INF2: variants seen among roughly 807,000 people sequenced by gnomAD.
The protein encoded by INF2 is inverted formin 2, also known as inverted formin-2.
In INF2, 43 loss-of-function variants were observed where a neutral mutation model predicts 123.5. The observed-to-expected ratio is 0.35, with a 90% CI of 0.27 to 0.45. INF2 has a LOEUF of 0.45. Among genes scored for constraint, INF2 ranks in the 20% least tolerant of loss-of-function variants. INF2 has a pLI of 1.00. For missense variants in INF2, 1,453 were observed against 1,682.7 expected (o/e 0.86, Z 2.39); for synonymous variants, 851 against 745.0 (o/e 1.14, Z -2.32).
At chr14:104,685,888 TG>T (rs982401237), upstream of INF2, among the ~76,000 whole-genome samples, 2 of 106,328 alleles carry the variant, frequency 1.9e-5, no homozygotes, top group Non-Finnish European at 3.5e-5. Flanking sequence ...GATGGATGAA[TG>T]AATGGGCAGA....
chr14:104,707,480 A>G lies in INF2; in HGVS notation c.1213A>G (p.Ile405Val). ...CGTGGACCACGCCCAGAGTGAGAGCATCCTGAAAGTTTCGCAGCCCAGAGC... is the reference window on the plus strand; with the variant it reads ...CGTGGACCACGCCCAGAGTGAGAGCGTCCTGAAAGTTTCGCAGCCCAGAGC... ...EPVDHAQSESILKVSQPRALE... is the reference protein window; with the variant it reads ...EPVDHAQSESVLKVSQPRALE... The change falls in exon 8 of 23, where the codon ATC (isoleucine) becomes GTC (valine). Residue 405 changes from isoleucine to valine, a missense_variant. By Grantham distance (29) the Ile-to-Val change is conservative. This residue lies in a region of INF2 where 374 missense variants were observed against 303.7 expected (regional missense o/e 1.23). Coordinates refer to ENST00000392634, the MANE Select transcript of INF2 (RefSeq NM_022489.4). 2.6e-6 allele frequency: 4 copies of G among 1,550,946 alleles called. No homozygotes were observed. Among genetic ancestry groups the G allele is most frequent in the Non-Finnish European group, 3.5e-6 (4 of 1,147,794 alleles).
intron 21 of INF2, 126 bp from the exon 22 acceptor site, chr14:104,715,158 A>G (rs1474712787): frequency 1.1e-6 from 1 of 946,490 alleles, no homozygotes; most frequent in Non-Finnish European, 1.7e-6. Flanking sequence ...CTTAGTGGCC[A>G]GAGAACCGGG....
At position 104,703,934 on chromosome 14, in the gene INF2, T is replaced by C. The variant is rs1253950182; in HGVS notation, c.686T>C (p.Val229Ala). ...NEFIGLQLLD[V>A]LARLRDLEDA... The stretch of plus-strand genomic sequence containing the variant: ...TTCCCAGGGCTGCAGCTGCTGGACG[T>C]CCTGGCTCGCCTGCGGTGAGTCCCC... The change falls in exon 5 of 23, where the codon GTC becomes GCC. Residue 229 changes from valine to alanine, a missense_variant. This residue lies in a region of INF2 where 251 missense variants were observed against 349.4 expected (regional missense o/e 0.72). Coordinates refer to ENST00000392634, the MANE Select transcript of INF2 (RefSeq NM_022489.4). 6.2e-7 allele frequency: 1 copy of C among 1,610,918 alleles called. No homozygotes were observed. Among genetic ancestry groups the C allele is most frequent in the Non-Finnish European group, 8.5e-7 (1 of 1,179,972 alleles).
At position 104,701,485 on chromosome 14, in the gene INF2, G is replaced by A; in HGVS notation, c.120G>A (p.Arg40=). 1.9e-6 allele frequency: 3 copies of A among 1,603,182 alleles called. No individual in the cohort carries two copies. Among genetic ancestry groups the A allele is most frequent in the Non-Finnish European group, 2.6e-6 (3 of 1,175,356 alleles). ...LESADPELCI[R]LLQMPSVVNY... The stretch of plus-strand genomic sequence containing the variant: ...GCGCGGACCCCGAGCTGTGCATCCG[G>A]CTGCTCCAGATGCCCTCTGTGGTCA... Residue 40 remains arginine (R), a synonymous_variant, in exon 2 of 23, where the codon CGG becomes CGA. Coordinates refer to ENST00000392634, the MANE Select transcript of INF2 (RefSeq NM_022489.4).
chr14:104,714,398 A>C lies in INF2; in HGVS notation c.3236A>C (p.Tyr1079Ser). Residue 1079 changes from tyrosine to serine, a missense_variant, in exon 21 of 23, where the codon TAT becomes TCT. Physicochemically the swap from Tyr to Ser is moderately radical, Grantham distance 144. Transcript: ENST00000392634. ...PRPLERRSSW[Y>S]VDASDVLTTE... ...CCCCTGGAGAGGCGTTCTTCCTGGT[A>C]TGTGGATGCCAGCGATGTCCTAACC... is the stretch of plus-strand genomic sequence containing the variant. The C allele has an allele frequency of 1.2e-6, 2 of 1,604,282 alleles. No individual in the cohort carries two copies. The highest frequency in any genetic ancestry group is 1.7e-6 in the Non-Finnish European group (2 of 1,175,808).
rs540597611 is a variant in INF2, at chr14:104,709,448, G to A, written c.2052+65G>A. 248 of 1,385,086 alleles carry A rather than the reference G, an allele frequency of 1.8e-4. 1 individual carries two copies. The highest frequency in any genetic ancestry group is 1.6e-3 in the African/African-American group (114 of 70,414). 85.8% of individuals were successfully genotyped at this position (1,385,086 alleles called of 1,614,324 possible). A position where few individuals can be genotyped will look rare whatever the true frequency, so the allele number is the denominator to read the frequency against. On this transcript the variant is annotated intron_variant, in intron 11 of 22. Coordinates refer to ENST00000392634, the MANE Select transcript of INF2 (RefSeq NM_022489.4). ...CACCAACCAAGGGAGAGGCTGTCCC[G>A]GGGGCTCCCAGCAGGGAGACAGAGA...
At chr14:104,703,561 G>C in intron 4 of INF2, 107 bp downstream of exon 4, 1 of 1,448,316 alleles carries the variant, frequency 6.9e-7, no homozygotes, top group South Asian at 1.1e-5. Context: ...AGCTGCCCCC[G>C]ACCCAGGGCC....
chr14:104,700,869 G>A (rs1889446086), intron 1 of INF2: 1 of 985,324 alleles, frequency 1.0e-6, no homozygotes, highest in African/African-American at 1.7e-5. Flanking sequence ...CCTGAGGTTT[G>A]GAATCTCCCT....
In INF2 at chr14:104,701,488, G is replaced by A. The variant is rs1205681674; in HGVS notation, c.123G>A (p.Leu41=). 2 of 1,603,576 alleles carry A rather than the reference G, an allele frequency of 1.2e-6. No homozygotes were observed. The highest frequency in any genetic ancestry group is 1.7e-6 in the Non-Finnish European group (2 of 1,175,554). The change falls in exon 2 of 23, where the codon CTG becomes CTA. Residue 41 remains leucine, a synonymous_variant. Coordinates refer to ENST00000392634, the MANE Select transcript of INF2 (RefSeq NM_022489.4). The part of the protein sequence containing the change: ...ESADPELCIR[L]LQMPSVVNYS... ...CGGACCCCGAGCTGTGCATCCGGCT[G>A]CTCCAGATGCCCTCTGTGGTCAACT...
intron 1 of INF2, chr14:104,690,748 T>A (rs1888905364): frequency 6.6e-6 from 1 of 152,234 alleles, no homozygotes; most frequent in Admixed American, 6.5e-5. Flanking sequence ...CTCTGAAGGG[T>A]GGGACAGCAG....
chr14:104,714,186 T>C lies in INF2; in HGVS notation c.3041-17T>C. The C allele has an allele frequency of 6.7e-7, 1 of 1,491,660 alleles. No individual in the cohort carries two copies. The highest frequency in any genetic ancestry group is 1.4e-5 in the South Asian group (1 of 73,808). The allele number at this position is 1,491,660 out of a possible 1,614,324, so 92.4% of individuals were successfully genotyped here. On this transcript the variant is annotated splice_polypyrimidine_tract_variant and intron_variant, in intron 20 of 22. Transcript: ENST00000392634. ...GGGCAGGGTGCCTGCCCTTCACTGG[T>C]GTGTCCCTCCATCCAGTGGCCACCA...
At chr14:104,704,066 T>A in intron 5 of INF2, 117 bp downstream of exon 5, 1 of 1,558,550 alleles carries the variant, frequency 6.4e-7, no homozygotes, top group East Asian at 2.4e-5. Context: ...GGCAGGGAGG[T>A]GGCTCCCTCG....
rs536131059 is a variant in INF2, at chr14:104,695,717, TC to T, written c.-9-5636del. On this transcript the variant is annotated intron_variant, in intron 1 of 22. Transcript: ENST00000392634. Reference sequence around the variant, plus strand: ...GTTCCTAACCCAGGAAGATGTACCTTCCCCAGGCCCATTGTCTGCCCCAGAT... The same window carrying T: ...GTTCCTAACCCAGGAAGATGTACCTTCCCAGGCCCATTGTCTGCCCCAGAT... Among the ~76,000 whole-genome samples, 52 of 150,872 alleles carry T rather than the reference TC, an allele frequency of 3.4e-4. 1 individual carries two copies. The East Asian group carries it at 0.01, about 30-fold the overall frequency.
intron 21 of INF2, 57 bp downstream of exon 21, chr14:104,714,913 G>C (rs576830320): frequency 6.9e-7 from 1 of 1,454,178 alleles, no homozygotes; most frequent in African/African-American, 1.4e-5. Flanking sequence ...GCACCCAGCC[G>C]GTCCCTCCCC....
Position 104,718,988 on chromosome 14 carries a change from C to A in INF2, c.*195C>A. The A allele has an allele frequency of 9.0e-6, 12 of 1,328,360 alleles. No homozygotes were observed. Among genetic ancestry groups the A allele is most frequent in the Non-Finnish European group, 1.2e-5 (12 of 1,010,300 alleles). 82.3% of individuals were successfully genotyped at this position (1,328,360 alleles called of 1,614,324 possible). A position where few individuals can be genotyped will look rare whatever the true frequency, so the allele number is the denominator to read the frequency against. On this transcript the variant is annotated 3_prime_UTR_variant, in exon 23 of 23. Coordinates refer to ENST00000392634, the MANE Select transcript of INF2 (RefSeq NM_022489.4). Reference sequence around the variant, plus strand: ...GCTGGGAACCCGACAGGCACCAGTGCCCTGCCAGGCCTGGTGCCCTCCTGG... The same window carrying A: ...GCTGGGAACCCGACAGGCACCAGTGACCTGCCAGGCCTGGTGCCCTCCTGG...
intron 22 of INF2, chr14:104,717,518 A>G (rs1206082395): frequency 6.6e-6 from 1 of 152,304 alleles, no homozygotes; most frequent in African/African-American, 2.4e-5. Context: ...CCAGAGTCAC[A>G]TGCTGTGTTT....
At chr14:104,690,275 C>G (rs956653312) in intron 1 of INF2, 1 of 152,306 alleles carries the variant, frequency 6.6e-6, no homozygotes, top group East Asian at 1.9e-4. Context: ...TCACAGCTCT[C>G]TGTTCCTTTT....
intron 13 of INF2, 99 bp downstream of exon 13, chr14:104,710,287 GGCT>G: frequency 2.4e-6 from 2 of 834,082 alleles, no homozygotes; most frequent in Non-Finnish European, 3.8e-6. Flanking sequence ...GTATCATAAT[GGCT>G]GCTAAGAGCA....
chr14:104,716,327 C>T (rs1449871093), intron 22 of INF2, among the ~76,000 whole-genome samples: 1 of 152,232 alleles, frequency 6.6e-6, no homozygotes, highest in African/African-American at 2.4e-5. Context: ...AGCTTGTCCT[C>T]GCTGTTGGGG....
Sources: gnomAD v4.1 joint callset for allele counts (sites outside exome capture counted in the v4.1 genomes callset) on GRCh38, gnomAD v4.1.1 for gene constraint, gnomAD v4.1.1 regional missense constraint, MANE v1.5 for transcripts, NCBI Gene and HGNC (gene_info 2026-07-23, HGNC 2026-07-21) for gene names.